The following RBFOX1 variants were observed in gnomAD, a reference collection of about 807,000 sequenced individuals.
RBFOX1 encodes the protein RNA binding protein fox-1 homolog 1.
Under a neutral mutation model 57.7 loss-of-function variants are expected in RBFOX1, and 8 were observed. The observed-to-expected ratio is 0.14, with a 90% CI of 0.08 to 0.25. The LOEUF is 0.25. Ranked by LOEUF, RBFOX1 falls within the 10% of genes least tolerant of loss-of-function variation. The probability of loss-of-function intolerance (pLI) is 1.00; values close to 1 mark genes in which losing one functional copy is unlikely to be tolerated. For missense variants in RBFOX1, 611 were observed against 548.5 expected (o/e 1.11, Z -1.14); for synonymous variants, 326 against 222.4 (o/e 1.47, Z -4.15).
intron 1 of RBFOX1, among the ~76,000 whole-genome samples, chr16:6,286,627 C>G (rs546530652): frequency 1.8e-3 from 277 of 152,282 alleles, no homozygotes; most frequent in African/African-American, 6.4e-3. Flanking sequence ...GATCTGACTT[C>G]TCCATAGCCT....
intron 3 of RBFOX1, among the ~76,000 whole-genome samples, chr16:5,643,999 A>C (rs2048967001): frequency 1.3e-5 from 2 of 152,238 alleles, no homozygotes; most frequent in Admixed American, 1.3e-4. Flanking sequence ...TACGATGTCA[A>C]ATGTGACCTT....
chr16:6,116,056 G>A (rs989285271), intron 1 of RBFOX1, among the ~76,000 whole-genome samples: 2 of 152,168 alleles, frequency 1.3e-5, no homozygotes, highest in African/African-American at 4.8e-5. Flanking sequence ...TAAAGAAAAT[G>A]TGGCACATAT....
At chr16:6,781,018 T>G (rs2080927713) in intron 3 of RBFOX1, among the ~76,000 whole-genome samples, 1 of 152,162 alleles carries the variant, frequency 6.6e-6, no homozygotes, top group African/African-American at 2.4e-5. Context: ...TTTGACCATT[T>G]TTGCTTTGGT....
At chr16:6,840,712 C>T (rs1057369623) in intron 3 of RBFOX1, among the ~76,000 whole-genome samples, 1 of 151,798 alleles carries the variant, frequency 6.6e-6, no homozygotes, top group Admixed American at 6.6e-5. Context: ...CATGGTGAAA[C>T]CCCGTCTCTA....
intron 3 of RBFOX1, among the ~76,000 whole-genome samples, chr16:6,661,739 G>A (rs1231590981): frequency 6.6e-6 from 1 of 152,210 alleles, no homozygotes; most frequent in African/African-American, 2.4e-5. Context: ...GGGCTGGGTT[G>A]CCCCTTCCTT....
At chr16:6,807,418 C>A (rs944061837) in intron 3 of RBFOX1, among the ~76,000 whole-genome samples, 4 of 152,076 alleles carry the variant, frequency 2.6e-5, no homozygotes, top group African/African-American at 9.7e-5. Context: ...ATGGTGGTGC[C>A]ATTCACCTGG....
intron 1 of RBFOX1, among the ~76,000 whole-genome samples, chr16:6,145,034 C>CT (rs570876700): frequency 1.8e-4 from 26 of 148,500 alleles, no homozygotes; most frequent in South Asian, 4.3e-4. Context: ...CATAGTATCT[C>CT]TTTTTTTTTT....
At chr16:6,814,698 G>A (rs2089643948) in intron 3 of RBFOX1, among the ~76,000 whole-genome samples, 1 of 152,136 alleles carries the variant, frequency 6.6e-6, no homozygotes, top group Non-Finnish European at 1.5e-5. Flanking sequence ...CATGTGGAAG[G>A]TCTTGGAAAC....
intron 1 of RBFOX1, among the ~76,000 whole-genome samples, chr16:5,328,236 G>C (rs920842937): frequency 6.6e-6 from 1 of 152,066 alleles, no homozygotes; most frequent in African/African-American, 2.4e-5. Context: ...GTTAAATAAG[G>C]CTTTTAAAGG....
At chr16:5,713,645 T>C (rs2051576692) in intron 3 of RBFOX1, among the ~76,000 whole-genome samples, 1 of 152,220 alleles carries the variant, frequency 6.6e-6, no homozygotes, top group South Asian at 2.1e-4. Flanking sequence ...CTATGAGGAA[T>C]GCTGCCCACA....
intron 3 of RBFOX1, among the ~76,000 whole-genome samples, chr16:6,728,267 G>A (rs1275022444): frequency 6.6e-6 from 1 of 152,176 alleles, no homozygotes; most frequent in Non-Finnish European, 1.5e-5. Flanking sequence ...CCTTTAAGCA[G>A]TTTTCAGCTT....
At chr16:7,476,449 A>G (rs1482395083) in intron 4 of RBFOX1, among the ~76,000 whole-genome samples, 2 of 152,214 alleles carry the variant, frequency 1.3e-5, no homozygotes, top group African/African-American at 4.8e-5. Context: ...CACTTAATAA[A>G]TGTTGGTTAT....
At chr16:7,692,272 T>A (rs1325912279) in intron 14 of RBFOX1, among the ~76,000 whole-genome samples, 1 of 152,182 alleles carries the variant, frequency 6.6e-6, no homozygotes, top group Non-Finnish European at 1.5e-5. Flanking sequence ...GGTGTAGAAA[T>A]GACTAGAATT....
chr16:6,401,585 T>A (rs551046415), intron 2 of RBFOX1, among the ~76,000 whole-genome samples: 2 of 152,310 alleles, frequency 1.3e-5, no homozygotes, highest in South Asian at 4.1e-4. Context: ...AATGTGTCTT[T>A]AACTAAAATA....
chr16:7,119,013 C>G (rs1427565398), intron 4 of RBFOX1, among the ~76,000 whole-genome samples: 4 of 152,056 alleles, frequency 2.6e-5, no homozygotes, highest in Admixed American at 1.3e-4. Flanking sequence ...CCAGAGGACA[C>G]TCATGGGGAG....
intron 3 of RBFOX1, among the ~76,000 whole-genome samples, chr16:6,904,178 G>C (rs2069179982): frequency 6.6e-6 from 1 of 152,198 alleles, no homozygotes; most frequent in South Asian, 2.1e-4. Context: ...GTCTGTGTGT[G>C]TATGTAAACA....
intron 4 of RBFOX1, among the ~76,000 whole-genome samples, chr16:7,135,628 G>T (rs2071706549): frequency 6.6e-6 from 1 of 152,204 alleles, no homozygotes; most frequent in South Asian, 2.1e-4. Flanking sequence ...TAATTTAATT[G>T]CCGCTGTTCG....
At chr16:7,545,317 T>G (rs3729506) in intron 5 of RBFOX1, among the ~76,000 whole-genome samples, 26,416 of 151,750 alleles carry the variant, frequency 0.17, 2,910 homozygotes, top group East Asian at 0.37. Flanking sequence ...GTGCGGGTCA[T>G]GGGGGTGGAG....
chr16:5,314,537 G>C (rs148761624), intron 1 of RBFOX1, among the ~76,000 whole-genome samples: 1 of 152,180 alleles, frequency 6.6e-6, no homozygotes, highest in Admixed American at 6.5e-5. Context: ...ATCTCACTCT[G>C]TTGCCCAGGC....
Sources: gnomAD v4.1 joint callset for allele counts (sites outside exome capture counted in the v4.1 genomes callset) on GRCh38, gnomAD v4.1.1 for gene constraint, MANE v1.5 for transcripts, NCBI Gene and HGNC (gene_info 2026-07-23, HGNC 2026-07-21) for gene names.